Variants in GBP1 observed in about 807,000 individuals in gnomAD.
GBP1 encodes the protein guanylate binding protein 1, also known as guanylate-binding protein 1.
In GBP1, 64 loss-of-function variants were observed where a neutral mutation model predicts 69.5. The observed-to-expected ratio is 0.92, with a 90% CI of 0.75 to 1.13. The LOEUF is 1.13. Ranked by LOEUF, GBP1 falls within the 50% of genes most tolerant of loss-of-function variation. The probability of loss-of-function intolerance (pLI) is 0.00; values close to 1 mark genes in which losing one functional copy is unlikely to be tolerated. For synonymous variants in GBP1, 250 were observed against 261.2 expected (o/e 0.96, Z 0.41); for missense variants, 630 against 704.1 (o/e 0.89, Z 1.19).
chr1:89,064,601 C>T (rs1680289957), intron 1 of GBP1, among the ~76,000 whole-genome samples: 1 of 152,232 alleles, frequency 6.6e-6, no homozygotes, highest in African/African-American at 2.4e-5. Context: ...AAACAAAGTT[C>T]ACAAGTGTAA....
chr1:89,059,124 A>G, intron 4 of GBP1, 81 bp from the exon 5 acceptor site: 2 of 1,597,766 alleles, frequency 1.3e-6, no homozygotes, highest in Non-Finnish European at 1.7e-6. Context: ...CAAACCTTCC[A>G]TTTTCCTTTG....
rs1570939291 is a variant in GBP1 at position 89,059,546 on chromosome 1, T to A, written c.319-120A>T. Reference sequence around the variant, plus strand: ...GTTTTTTTTTCTTTTCTTTTTTTTTTTTTTTTTTAACACTAATGACCTATT... The same window carrying A: ...GTTTTTTTTTCTTTTCTTTTTTTTTATTTTTTTTAACACTAATGACCTATT... On this transcript the variant is annotated intron_variant, in intron 3 of 10. Coordinates refer to ENST00000370473, the MANE Select transcript of GBP1 (RefSeq NM_002053.3). The A allele has an allele frequency of 4.7e-6, 5 of 1,057,520 alleles. No individual in the cohort carries two copies. In the East Asian group the frequency reaches 1.3e-4, roughly 28 times the overall value. The allele number at this position is 1,057,520 out of a possible 1,614,324, so 65.5% of individuals were successfully genotyped here.
rs536894694 is a variant in GBP1, at chr1:89,053,288, G to C, written c.*67C>G. The C allele has an allele frequency of 1.1e-5, 14 of 1,227,244 alleles. No individual in the cohort carries two copies. The highest frequency in any genetic ancestry group is 1.6e-5 in the Non-Finnish European group (14 of 859,426). 76.0% of individuals were successfully genotyped at this position (1,227,244 alleles called of 1,614,324 possible). ...TCTAATTATTATCAAATGTAGTGAC[G>C]CTTGTTCCAAATTCTAAAATTGTTT... On this transcript the variant is annotated 3_prime_UTR_variant, in exon 11 of 11. Transcript: ENST00000370473.
chr1:89,062,103 T>G (rs1680216280), intron 2 of GBP1, among the ~76,000 whole-genome samples: 1 of 152,196 alleles, frequency 6.6e-6, no homozygotes, highest in African/African-American at 2.4e-5. Context: ...AATGGTATAG[T>G]GATTTCTTAA....
chr1:89,064,013 A>G (rs1680267325), intron 1 of GBP1, among the ~76,000 whole-genome samples: 1 of 152,158 alleles, frequency 6.6e-6, no homozygotes, highest in Non-Finnish European at 1.5e-5. Flanking sequence ...CCTCCAGATA[A>G]TAAGGATTAA....
intron 3 of GBP1, 91 bp from the exon 4 acceptor site, chr1:89,059,517 G>T: frequency 2.3e-5 from 25 of 1,095,636 alleles, no homozygotes; most frequent in Non-Finnish European, 3.1e-5. Context: ...TCATATGTTA[G>T]AGGGTTTTTT....
In GBP1 at chr1:89,052,500, T is replaced by A. The variant is rs1277412395; in HGVS notation, c.*855A>T. The A allele has an allele frequency of 1.3e-5, 2 of 152,218 alleles. No homozygotes were observed. Among genetic ancestry groups the A allele is most frequent in the African/African-American group, 4.8e-5 (2 of 41,454 alleles). 9.4% of individuals were successfully genotyped at this position (152,218 alleles called of 1,614,324 possible). ...GGGAAACTCAGAAAGTTTTCAAGTATGAGTGTTAAGAGTTAGAAAAGACTA... is the reference window on the plus strand; with the variant it reads ...GGGAAACTCAGAAAGTTTTCAAGTAAGAGTGTTAAGAGTTAGAAAAGACTA... On this transcript the variant is annotated 3_prime_UTR_variant, in exon 11 of 11. Transcript: ENST00000370473.
At position 89,053,148 on chromosome 1, in the gene GBP1, G is replaced by C. The variant is rs1313802271; in HGVS notation, c.*207C>G. On this transcript the variant is annotated 3_prime_UTR_variant, in exon 11 of 11. Transcript: ENST00000370473. ...TTATGAGATTTCCTGAGTTGATACA[G>C]AGGTAAATGCATCTTTGTTGCACAA... 7 of 461,290 alleles carry C rather than the reference G, an allele frequency of 1.5e-5. No individual in the cohort carries two copies. Among genetic ancestry groups the C allele is most frequent in the South Asian group, 3.6e-5 (1 of 27,538 alleles). 28.6% of individuals were successfully genotyped at this position (461,290 alleles called of 1,614,324 possible).
intron 9 of GBP1, 77 bp from the exon 10 acceptor site, chr1:89,054,952 C>T: frequency 1.3e-6 from 2 of 1,549,096 alleles, no homozygotes; most frequent in Non-Finnish European, 8.8e-7. Context: ...ACTTACCTGT[C>T]GTTGTTGCTG....
rs1680096527 is a variant in GBP1, at chr1:89,058,249, A to T, written c.632-15T>A. On this transcript the variant is annotated splice_polypyrimidine_tract_variant and intron_variant, in intron 5 of 10. Coordinates refer to ENST00000370473, the MANE Select transcript of GBP1 (RefSeq NM_002053.3). ...TTGACTGGTACCTAGAAAAACATTT[A>T]AAAAATTATAAAATTGCCTAATATA... 3.2e-6 allele frequency: 5 copies of T among 1,556,908 alleles called. No individual in the cohort carries two copies. The highest frequency in any genetic ancestry group is 1.4e-5 in the African/African-American group (1 of 72,278).
At chr1:89,057,177 A>C in intron 6 of GBP1, 43 bp from the exon 7 acceptor site, 1 of 1,609,508 alleles carries the variant, frequency 6.2e-7, no homozygotes, top group Non-Finnish European at 8.5e-7. Flanking sequence ...GTGGTAAAGA[A>C]AGTCTCTATT....
At chr1:89,057,264 G>A (rs768478365) in intron 6 of GBP1, 130 bp from the exon 7 acceptor site, 20 of 1,277,440 alleles carry the variant, frequency 1.6e-5, no homozygotes, top group Non-Finnish European at 2.2e-5. Context: ...TTGGAAGCTT[G>A]CTGGAAATAG....
chr1:89,059,531 CTTTTCTTTT>C, intron 3 of GBP1, 105 bp from the exon 4 acceptor site: 1 of 836,658 alleles, frequency 1.2e-6, no homozygotes, highest in Non-Finnish European at 1.6e-6. Flanking sequence ...GTTTTTTTTT[CTTTTCTTTT>C]TTTTTTTTTT....
intron 2 of GBP1, among the ~76,000 whole-genome samples, chr1:89,062,464 T>G (rs1035084528): frequency 2.0e-5 from 3 of 152,202 alleles, no homozygotes; most frequent in African/African-American, 7.2e-5. Flanking sequence ...TTCATAGAGA[T>G]AGAATGTAGA....
intron 5 of GBP1, 32 bp downstream of exon 5, chr1:89,058,809 A>C: frequency 6.2e-7 from 1 of 1,605,844 alleles, no homozygotes; most frequent in Non-Finnish European, 8.5e-7. Context: ...GTGTTTTCTC[A>C]TCCTCATTTA....
intron 2 of GBP1, chr1:89,062,597 A>G (rs1157238193): frequency 6.4e-6 from 1 of 156,216 alleles, no homozygotes; most frequent in African/African-American, 2.4e-5. Flanking sequence ...GAATTTCATT[A>G]ATGCTACAGA....
At chr1:89,055,984 C>G (rs749572920) in intron 8 of GBP1, 32 bp downstream of exon 8, 5 of 1,613,736 alleles carry the variant, frequency 3.1e-6, no homozygotes, top group Non-Finnish European at 2.5e-6. Context: ...AGGTCAGCAG[C>G]TTTCCATAAT....
rs1419346830 is a variant in GBP1 at position 89,055,896 on chromosome 1, A to G, written c.1368+120T>C. ...AGCCTGTTTGCATATGTTATTGAATAAAAGCATGAATGTTATGCAAACAAA... is the reference window on the plus strand; with the variant it reads ...AGCCTGTTTGCATATGTTATTGAATGAAAGCATGAATGTTATGCAAACAAA... On this transcript the variant is annotated intron_variant, in intron 8 of 10. Coordinates refer to ENST00000370473, the MANE Select transcript of GBP1 (RefSeq NM_002053.3). 2.1e-5 allele frequency: 26 copies of G among 1,213,774 alleles called. No homozygotes were observed. In the Admixed American group the frequency reaches 3.2e-4, roughly 15 times the overall value. 75.2% of individuals were successfully genotyped at this position (1,213,774 alleles called of 1,614,324 possible).
At position 89,059,318 on chromosome 1, in the gene GBP1, A is replaced by G; in HGVS notation, c.427T>C (p.Tyr143His). The change falls in exon 4 of 11, where the codon TAC (tyrosine) becomes CAC (histidine). Residue 143 changes from tyrosine to histidine, a missense_variant and splice_region_variant. This residue lies in a region of GBP1 where 26 missense variants were observed against 54.9 expected (regional missense o/e 0.47). Coordinates refer to ENST00000370473, the MANE Select transcript of GBP1 (RefSeq NM_002053.3). ...TINQQAMDQL[Y>H]YVTELTHRIR... is the part of the protein sequence containing the mutation. Reference sequence around the variant, plus strand: ...CTGTTCTGGGTCACAAAAGGATACTACAGTTGGTCCATAGCCTGCTGGTTG... The same window carrying G: ...CTGTTCTGGGTCACAAAAGGATACTGCAGTTGGTCCATAGCCTGCTGGTTG... 6.2e-7 allele frequency: 1 copy of G among 1,614,088 alleles called. No homozygotes were observed. The highest frequency in any genetic ancestry group is 8.5e-7 in the Non-Finnish European group (1 of 1,179,998).
Sources: allele counts gnomAD v4.1 joint callset (sites outside exome capture counted in the v4.1 genomes callset), GRCh38; gene constraint gnomAD v4.1.1; regional missense constraint gnomAD v4.1.1; transcripts MANE v1.5; gene names NCBI Gene and HGNC (gene_info 2026-07-23, HGNC 2026-07-21).